NLRP7: variants seen among roughly 807,000 people sequenced by gnomAD.
NLRP7 encodes the protein NLR family pyrin domain containing 7, also known as NACHT, LRR and PYD domains-containing protein 7.
NLRP7 carries 72 observed loss-of-function variants against 85.5 expected under a neutral mutation model. The ratio of observed to expected loss-of-function variants is 0.84; its 90% CI spans 0.70 to 1.02. The LOEUF (loss-of-function observed/expected upper bound fraction) is 1.02. NLRP7 is among the 50% of genes least tolerant of loss of function. The pLI is 0.00. For synonymous variants in NLRP7, 550 were observed against 505.2 expected (o/e 1.09, Z -1.19); for missense variants, 1,243 against 1,219.5 (o/e 1.02, Z -0.29).
At chr19:54,938,787 G>T in intron 4 of NLRP7, 101 bp downstream of exon 4, 1 of 1,319,890 alleles carries the variant, frequency 7.6e-7, no homozygotes, top group South Asian at 1.2e-5. Context: ...CATGAAGCTG[G>T]AAAGAAGTCC....
chr19:54,928,164 G>A (rs1237161698), intron 9 of NLRP7, among the ~76,000 whole-genome samples: 2 of 152,100 alleles, frequency 1.3e-5, no homozygotes, highest in Non-Finnish European at 2.9e-5. Context: ...AGGTTACAGT[G>A]AGCCCAGATT....
exon 10 of NLRP7, chr19:54,923,871 A>G: frequency 6.2e-7 from 1 of 1,613,492 alleles, no homozygotes; most frequent in Non-Finnish European, 8.5e-7. Flanking sequence ...TAGGTCTTCA[A>G]CCTGGAGGGA....
At chr19:54,959,027 A>G (rs1006547540) in intron 1 of NLRP7, among the ~76,000 whole-genome samples, 1 of 151,870 alleles carries the variant, frequency 6.6e-6, no homozygotes, top group Non-Finnish European at 1.5e-5. Flanking sequence ...GTTGATTTTT[A>G]TCTACTAGGT....
chr19:54,925,727 G>C (rs113071669), intron 9 of NLRP7, among the ~76,000 whole-genome samples: 2 of 151,986 alleles, frequency 1.3e-5, no homozygotes, highest in African/African-American at 4.8e-5. Context: ...GGCCGGGCGC[G>C]GTGGCTCACG....
At chr19:54,955,698 A>C (rs2069828360) in intron 1 of NLRP7, among the ~76,000 whole-genome samples, 1 of 149,834 alleles carries the variant, frequency 6.7e-6, no homozygotes, top group African/African-American at 2.5e-5. Context: ...GAGGCAGGAG[A>C]ATGACGTGAA....
At chr19:54,938,122 T>C (rs2069019979) in exon 5 of NLRP7, 3 of 1,613,950 alleles carry the variant, frequency 1.9e-6, no homozygotes, top group Non-Finnish European at 2.5e-6. Context: ...CAGGAAGCTT[T>C]GTTTCACTTC....
intron 4 of NLRP7, 27 bp from the exon 5 acceptor site, chr19:54,938,268 T>G: frequency 6.3e-7 from 1 of 1,592,304 alleles, no homozygotes; most frequent in Non-Finnish European, 8.6e-7. Flanking sequence ...GTTCATCTCT[T>G]AGGACTAGTA....
At chr19:54,933,538 G>T in intron 8 of NLRP7, 31 bp downstream of exon 8, 1 of 1,587,236 alleles carries the variant, frequency 6.3e-7, no homozygotes. Flanking sequence ...GAATTCATGT[G>T]CACACACACA....
At chr19:54,961,134 GA>G (rs2146287107) in intron 1 of NLRP7, among the ~76,000 whole-genome samples, 1 of 152,076 alleles carries the variant, frequency 6.6e-6, no homozygotes, top group East Asian at 1.9e-4. Context: ...AGTACTTTGG[GA>G]GGCCAAGGCG....
chr19:54,927,909 C>G (rs930523847), intron 9 of NLRP7, 134 bp from the exon 10 acceptor site: 3 of 771,190 alleles, frequency 3.9e-6, no homozygotes, highest in African/African-American at 1.7e-5. Flanking sequence ...CTTGCCAACA[C>G]GGTCAAACCC....
intron 1 of NLRP7, among the ~76,000 whole-genome samples, chr19:54,958,202 A>G (rs546419941): frequency 2.6e-5 from 4 of 152,210 alleles, no homozygotes; most frequent in Admixed American, 2.6e-4. Flanking sequence ...AAGAAAGACA[A>G]AGAAGGAGAG....
intron 1 of NLRP7, among the ~76,000 whole-genome samples, chr19:54,952,768 A>C (rs1466074162): frequency 1.3e-5 from 2 of 152,130 alleles, no homozygotes; most frequent in Non-Finnish European, 2.9e-5. Flanking sequence ...GAGGCGTGTA[A>C]CCAGGGCAAC....
chr19:54,923,648 G>A, exon 10 of NLRP7: 1 of 1,415,084 alleles, frequency 7.1e-7, no homozygotes. Context: ...AGACTCTAGT[G>A]TTAACATGTG....
At chr19:54,923,716 A>G in exon 10 of NLRP7, 1 of 1,612,130 alleles carries the variant, frequency 6.2e-7, no homozygotes. Flanking sequence ...TTCCTGTGTA[A>G]TTCGTAGAGC....
At chr19:54,944,686 C>T (rs1569541443) in intron 1 of NLRP7, among the ~76,000 whole-genome samples, 1 of 151,902 alleles carries the variant, frequency 6.6e-6, no homozygotes, top group Non-Finnish European at 1.5e-5. Context: ...TTACATATAT[C>T]CTATTTTAGG....
chr19:54,958,599 C>T (rs924252296), intron 1 of NLRP7, among the ~76,000 whole-genome samples: 1 of 151,904 alleles, frequency 6.6e-6, no homozygotes, highest in Admixed American at 6.6e-5. Context: ...GAGTCAAGAT[C>T]AGGCCACTGC....
At chr19:54,953,843 A>G (rs1195175383) in intron 1 of NLRP7, among the ~76,000 whole-genome samples, 1 of 151,036 alleles carries the variant, frequency 6.6e-6, no homozygotes, top group African/African-American at 2.4e-5. Context: ...TACTAAAAAA[A>G]AAAAATACAA....
Position 54,934,662 on chromosome 19 carries a change from G to A in NLRP7, c.2301-3C>T, listed in dbSNP as rs1485115270. The A allele has an allele frequency of 6.2e-7, 1 of 1,611,454 alleles. No homozygotes were observed. Among genetic ancestry groups the A allele is most frequent in the Non-Finnish European group, 8.5e-7 (1 of 1,178,672 alleles). On this transcript the variant is annotated splice_region_variant and splice_polypyrimidine_tract_variant and intron_variant, in intron 6 of 9. Coordinates refer to ENST00000340844, the Ensembl canonical transcript of NLRP7. This position sits in a 1 kb window ranked among gnomAD's most constrained non-coding sequence, Gnocchi z 6.7. Reference sequence around the variant, plus strand: ...GGGTGGCACAGTGACCTCCCAACCTGTGAAAAGAGTGGGAAAAGTCATTCT... The same window carrying A: ...GGGTGGCACAGTGACCTCCCAACCTATGAAAAGAGTGGGAAAAGTCATTCT...
exon 4 of NLRP7, chr19:54,939,634 C>G (rs780895918): frequency 2.2e-5 from 35 of 1,611,252 alleles, no homozygotes; most frequent in Non-Finnish European, 2.9e-5. Context: ...AGAGGAAACG[C>G]AGGAACAGCC....
Sources: gnomAD v4.1 joint callset for allele counts (sites outside exome capture counted in the v4.1 genomes callset) on GRCh38, gnomAD v4.1.1 for gene constraint, Gnocchi (gnomAD v3.1) non-coding constraint, MANE v1.5 for transcripts, NCBI Gene and HGNC (gene_info 2026-07-23, HGNC 2026-07-21) for gene names.